RSPO2: variants seen among roughly 807,000 people sequenced by gnomAD.
RSPO2 encodes the protein R-spondin 2.
A neutral mutation model predicts 30.9 loss-of-function variants in RSPO2; 14 were observed. That is an observed-to-expected ratio of 0.45 (90% confidence interval 0.30 to 0.71). The LOEUF is 0.71. Among genes scored for constraint, RSPO2 ranks in the 30% least tolerant of loss-of-function variants. RSPO2 has a pLI of 0.08. For missense variants in RSPO2, 264 were observed against 301.9 expected (o/e 0.87, Z 0.93); for synonymous variants, 107 against 96.4 (o/e 1.11, Z -0.64).
chr8:108,064,303 G>T (rs1023669946), intron 2 of RSPO2, among the ~76,000 whole-genome samples: 4 of 151,792 alleles, frequency 2.6e-5, no homozygotes, highest in Non-Finnish European at 4.4e-5. Flanking sequence ...CTAATATCCA[G>T]AATCTACAAA....
chr8:108,015,234 G>T (rs1271292681), intron 2 of RSPO2, among the ~76,000 whole-genome samples: 4 of 152,036 alleles, frequency 2.6e-5, no homozygotes, highest in African/African-American at 9.7e-5. Context: ...GTTAATGGCT[G>T]GGCATAACTA....
intron 2 of RSPO2, among the ~76,000 whole-genome samples, chr8:108,011,714 C>G (rs533881822): frequency 6.6e-5 from 10 of 152,260 alleles, no homozygotes; most frequent in African/African-American, 2.4e-4. Flanking sequence ...CCGTTTGAAC[C>G]ACATGCATGG....
In RSPO2 at chr8:108,082,761, G is replaced by A. The variant is rs1417095635; in HGVS notation, c.-123C>T. 2.8e-6 allele frequency: 2 copies of A among 720,430 alleles called. No homozygotes were observed. Among genetic ancestry groups the A allele is most frequent in the Non-Finnish European group, 4.7e-6 (2 of 424,218 alleles). The allele number at this position is 720,430 out of a possible 1,614,324, so 44.6% of individuals were successfully genotyped here. A position where few individuals can be genotyped will look rare whatever the true frequency, so the allele number is the denominator to read the frequency against. ...GAGGGAGACTCGCCACTCACCCCCG[G>A]GCCGCACCGGTCAGTTCAGCGCGAT... On this transcript the variant is annotated 5_prime_UTR_variant, in exon 2 of 6. Coordinates refer to ENST00000276659, the MANE Select transcript of RSPO2 (RefSeq NM_178565.5).
At chr8:108,069,253 G>A (rs962871434) in intron 2 of RSPO2, among the ~76,000 whole-genome samples, 1 of 151,736 alleles carries the variant, frequency 6.6e-6, no homozygotes, top group Non-Finnish European at 1.5e-5. Context: ...TCGCTCTGTT[G>A]CCCAGGCTGG....
Position 108,070,660 on chromosome 8 carries a change from C to T in RSPO2, c.94+11885G>A, listed in dbSNP as rs569595928. ...GCTGTCAACAAGACTTTATATTTAA[C>T]TACCTATTAGATACCACATGCATTA... On this transcript the variant is annotated intron_variant, in intron 2 of 5. Coordinates refer to ENST00000276659, the MANE Select transcript of RSPO2 (RefSeq NM_178565.5). 3.4e-4 allele frequency among the ~76,000 whole-genome samples: 52 copies of T among 152,270 alleles called. No homozygotes were observed. In the South Asian group the frequency reaches 0.01, roughly 30 times the overall value.
intron 2 of RSPO2, among the ~76,000 whole-genome samples, chr8:108,015,184 A>G (rs1039504451): frequency 1.2e-4 from 19 of 152,220 alleles, no homozygotes; most frequent in Non-Finnish European, 1.5e-5. Context: ...GTTATATCAC[A>G]TTCTTGTGAT....
At chr8:108,061,862 C>G (rs1204585948) in intron 2 of RSPO2, among the ~76,000 whole-genome samples, 7 of 151,428 alleles carry the variant, frequency 4.6e-5, no homozygotes, top group African/African-American at 9.7e-5. Flanking sequence ...AATCAAACTA[C>G]AACTCAGGAT....
intron 5 of RSPO2, among the ~76,000 whole-genome samples, chr8:107,945,837 C>A (rs1206949523): frequency 6.6e-6 from 1 of 152,192 alleles, no homozygotes; most frequent in Non-Finnish European, 1.5e-5. Flanking sequence ...CTGTTCTAAG[C>A]CCTATGCTAA....
intron 2 of RSPO2, among the ~76,000 whole-genome samples, chr8:108,010,298 G>A (rs77960910): frequency 0.052 from 7,921 of 152,102 alleles, 278 homozygotes; most frequent in South Asian, 0.14. Flanking sequence ...TATAACCTTC[G>A]GGAAATGGAA....
At chr8:107,991,021 G>A (rs113826511) in intron 2 of RSPO2, among the ~76,000 whole-genome samples, 4,138 of 152,180 alleles carry the variant, frequency 0.027, 150 homozygotes, top group African/African-American at 0.081. Context: ...ACCTGAGGTC[G>A]GGAGTTTGGG....
intron 2 of RSPO2, among the ~76,000 whole-genome samples, chr8:108,003,834 T>C (rs1586619647): frequency 6.6e-6 from 1 of 152,288 alleles, no homozygotes; most frequent in Admixed American, 6.5e-5. Context: ...TCATAGTTTG[T>C]GACAAATTTG....
chr8:107,981,588 TA>T (rs1402938835), intron 3 of RSPO2, among the ~76,000 whole-genome samples: 2 of 152,176 alleles, frequency 1.3e-5, no homozygotes, highest in African/African-American at 4.8e-5. Flanking sequence ...TGACATGTAG[TA>T]ATTCTTTAAA....
At chr8:107,958,566 CATGTGCAGG>C (rs984012315) in intron 4 of RSPO2, among the ~76,000 whole-genome samples, 144 of 152,324 alleles carry the variant, frequency 9.5e-4, no homozygotes, top group African/African-American at 3.2e-3. Context: ...TTCAGGAATA[CATGTGCAGG>C]ATGTGCAGGT....
intron 3 of RSPO2, among the ~76,000 whole-genome samples, chr8:107,972,869 C>T (rs986783902): frequency 6.6e-6 from 1 of 152,158 alleles, no homozygotes; most frequent in African/African-American, 2.4e-5. Context: ...TCTTCCAATC[C>T]AGTGTTCTTT....
intron 5 of RSPO2, among the ~76,000 whole-genome samples, chr8:107,935,337 A>T (rs2130357813): frequency 6.6e-6 from 1 of 152,250 alleles, no homozygotes; most frequent in African/African-American, 2.4e-5. Flanking sequence ...GCATTATGAG[A>T]TAAGAATAAA....
At chr8:108,002,071 C>T (rs770968681) in intron 2 of RSPO2, among the ~76,000 whole-genome samples, 8 of 152,252 alleles carry the variant, frequency 5.3e-5, no homozygotes, top group East Asian at 1.9e-4. Context: ...AGTTAGCATG[C>T]GTGCTATCCT....
chr8:107,994,407 A>T (rs904262362), intron 2 of RSPO2, among the ~76,000 whole-genome samples: 1 of 152,122 alleles, frequency 6.6e-6, no homozygotes, highest in African/African-American at 2.4e-5. Flanking sequence ...TTCCAAACAG[A>T]AATATCCTAC....
chr8:107,928,287 A>T (rs1812448209), intron 5 of RSPO2, among the ~76,000 whole-genome samples: 1 of 152,182 alleles, frequency 6.6e-6, no homozygotes, highest in Non-Finnish European at 1.5e-5. Context: ...ACCCTTTTAA[A>T]AAATACATAG....
chr8:108,081,219 C>T (rs1020909118), intron 2 of RSPO2, among the ~76,000 whole-genome samples: 3 of 152,114 alleles, frequency 2.0e-5, no homozygotes, highest in African/African-American at 7.2e-5. Context: ...ATTTGGAGCT[C>T]TGCGCTCAGG....
Sources: gnomAD v4.1 joint callset for allele counts (sites outside exome capture counted in the v4.1 genomes callset) on GRCh38, gnomAD v4.1.1 for gene constraint, MANE v1.5 for transcripts, NCBI Gene and HGNC (gene_info 2026-07-23, HGNC 2026-07-21) for gene names.